The following BEAN1 variants were observed in gnomAD, a reference collection of about 807,000 sequenced individuals.
The protein encoded by BEAN1 is brain expressed associated with NEDD4 1.
BEAN1 carries 17 observed loss-of-function variants against 17.7 expected under a neutral mutation model. The ratio of observed to expected loss-of-function variants is 0.96; its 90% CI spans 0.66 to 1.44. The LOEUF (loss-of-function observed/expected upper bound fraction) is 1.44. BEAN1 is among the 40% of genes most tolerant of loss of function. The probability of loss-of-function intolerance (pLI) is 0.00; values close to 1 mark genes in which losing one functional copy is unlikely to be tolerated. For missense variants in BEAN1, 359 were observed against 374.1 expected, an observed-to-expected ratio of 0.96 and a Z score of 0.33; for synonymous variants, 142 against 151.8, an observed-to-expected ratio of 0.94 and a Z score of 0.47.
In BEAN1 at chr16:66,437,824, A is replaced by G. The variant is rs1203649556; in HGVS notation, c.25+123A>G. 9 of 1,271,426 alleles carry G rather than the reference A, an allele frequency of 7.1e-6. No homozygotes were observed. In the South Asian group the frequency reaches 1.1e-4, roughly 16 times the overall value. The allele number at this position is 1,271,426 out of a possible 1,614,324, so 78.8% of individuals were successfully genotyped here. On this transcript the variant is annotated intron_variant, in intron 2 of 4. Transcript: ENST00000536005. Reference sequence around the variant, plus strand: ...AACTGCAGGGGTCCAACCAGAGGCTAATGTGGCATGCTGGGTGGGGAGAGG... The same window carrying G: ...AACTGCAGGGGTCCAACCAGAGGCTGATGTGGCATGCTGGGTGGGGAGAGG...
chr16:66,469,470 A>T, intron 2 of BEAN1, 132 bp from the exon 3 acceptor site: 1 of 1,124,214 alleles, frequency 8.9e-7, no homozygotes, highest in East Asian at 2.6e-5. Flanking sequence ...GCCAGGATAG[A>T]GTCCGTGGGC....
chr16:66,454,188 C>T (rs1025036533), intron 2 of BEAN1, among the ~76,000 whole-genome samples: 1 of 152,174 alleles, frequency 6.6e-6, no homozygotes, highest in Admixed American at 6.5e-5. Context: ...TGGAGAATGT[C>T]TCATGTGCAC....
chr16:66,455,556 G>C (rs1451138115), intron 2 of BEAN1, among the ~76,000 whole-genome samples: 8 of 152,184 alleles, frequency 5.3e-5, no homozygotes, highest in Admixed American at 5.2e-4. Flanking sequence ...TGAGGAGAAA[G>C]TAGCTCTTTT....
chr16:66,444,297 A>C (rs1035790804), intron 2 of BEAN1, among the ~76,000 whole-genome samples: 1 of 152,134 alleles, frequency 6.6e-6, no homozygotes, highest in African/African-American at 2.4e-5. Flanking sequence ...TTCCTCATAG[A>C]GAGGTCTCAA....
intron 2 of BEAN1, among the ~76,000 whole-genome samples, chr16:66,457,250 T>C (rs193116372): frequency 3.8e-4 from 58 of 152,264 alleles, no homozygotes; most frequent in Admixed American, 5.9e-4. Context: ...GATTAATGGA[T>C]GGATGGATAA....
At chr16:66,461,207 G>A (rs187924213) in intron 2 of BEAN1, among the ~76,000 whole-genome samples, 70 of 151,216 alleles carry the variant, frequency 4.6e-4, no homozygotes, top group African/African-American at 1.6e-3. Flanking sequence ...TGGGAAGGGG[G>A]ATTGTCATCA....
chr16:66,492,442 G>A (rs552113280), intron 4 of BEAN1, among the ~76,000 whole-genome samples: 12 of 151,452 alleles, frequency 7.9e-5, no homozygotes, highest in Admixed American at 1.3e-4. Context: ...CTCTTTTTGC[G>A]TTTTTTTGTT....
At chr16:66,494,182 C>T (rs141850709), downstream of BEAN1, among the ~76,000 whole-genome samples, 2 of 152,336 alleles carry the variant, frequency 1.3e-5, no homozygotes, top group East Asian at 3.9e-4. Flanking sequence ...CAGGAGGTGA[C>T]TGCTGGGAGA....
At chr16:66,492,070 C>T (rs1282609611) in intron 4 of BEAN1, among the ~76,000 whole-genome samples, 1 of 152,118 alleles carries the variant, frequency 6.6e-6, no homozygotes, top group Non-Finnish European at 1.5e-5. Flanking sequence ...GAGACAGAGT[C>T]TTGCTCTGTC....
chr16:66,468,042 G>A (rs1963320977), intron 2 of BEAN1, among the ~76,000 whole-genome samples: 1 of 152,206 alleles, frequency 6.6e-6, no homozygotes, highest in Non-Finnish European at 1.5e-5. Context: ...CCTCTGATTG[G>A]TAGATGGCCA....
intron 2 of BEAN1, among the ~76,000 whole-genome samples, chr16:66,448,848 AG>A (rs1247598087): frequency 1.2e-4 from 19 of 152,130 alleles, no homozygotes; most frequent in Admixed American, 5.9e-4. Context: ...AAGAAAGAAA[AG>A]AAACACATCC....
chr16:66,472,694 ACT>A (rs1019991838), intron 3 of BEAN1, among the ~76,000 whole-genome samples: 6 of 150,546 alleles, frequency 4.0e-5, no homozygotes, highest in South Asian at 2.1e-4. Flanking sequence ...GCAGAACGAG[ACT>A]CTGTCTCAAA....
At chr16:66,484,801 T>G (rs1964063824), downstream of BEAN1, 1 of 453,972 alleles carries the variant, frequency 2.2e-6, no homozygotes, top group Admixed American at 2.3e-5. This position sits in a 1 kb window ranked among gnomAD's most constrained non-coding sequence, Gnocchi z 4.2. Flanking sequence ...CACCTCAAAG[T>G]GACGCCCGCC....
At chr16:66,442,790 T>C (rs1962307261) in intron 2 of BEAN1, among the ~76,000 whole-genome samples, 1 of 152,208 alleles carries the variant, frequency 6.6e-6, no homozygotes, top group Admixed American at 6.5e-5. Flanking sequence ...ACTGAGAAGA[T>C]GCTCAAGAAA....
intron 2 of BEAN1, among the ~76,000 whole-genome samples, chr16:66,463,734 G>A (rs1406389971): frequency 1.3e-5 from 2 of 152,112 alleles, no homozygotes; most frequent in Non-Finnish European, 2.9e-5. Flanking sequence ...TTACCCCTAT[G>A]TTTTTATCTA....
At chr16:66,438,591 T>C (rs527424088) in intron 2 of BEAN1, among the ~76,000 whole-genome samples, 1 of 152,270 alleles carries the variant, frequency 6.6e-6, no homozygotes, top group East Asian at 1.9e-4. Flanking sequence ...AGCCTGTAGA[T>C]GATCTTGCCC....
rs528117308 is a variant in BEAN1 at position 66,437,909 on chromosome 16, T to C, written c.25+208T>C. ...TCCCTGAGAACTGAAAATCGCACTT[T>C]GGCCCATTCTTCTGTATCAGCCCTT... is the stretch of plus-strand genomic sequence containing the variant. On this transcript the variant is annotated intron_variant, in intron 2 of 4. Coordinates refer to ENST00000536005, the MANE Select transcript of BEAN1 (RefSeq NM_001178020.3). The C allele has an allele frequency of 7.6e-5, 52 of 683,852 alleles. 1 individual carries two copies. The highest frequency in any genetic ancestry group is 1.3e-4 in the Non-Finnish European group (51 of 386,234). 42.4% of individuals were successfully genotyped at this position (683,852 alleles called of 1,614,324 possible). A position where few individuals can be genotyped will look rare whatever the true frequency, so the allele number is the denominator to read the frequency against.
chr16:66,486,583 T>C (rs1964092599), downstream of BEAN1, among the ~76,000 whole-genome samples: 1 of 152,160 alleles, frequency 6.6e-6, no homozygotes, highest in Admixed American at 6.5e-5. Context: ...TGACTGAGCC[T>C]GGGTCATGCC....
In BEAN1 at chr16:66,434,836, T is replaced by C. The variant is rs1961953594; in HGVS notation, c.-82-2759T>C. 6.6e-6 allele frequency among the ~76,000 whole-genome samples: 1 copy of C among 152,166 alleles called. No individual in the cohort carries two copies. Among genetic ancestry groups the C allele is most frequent in the Non-Finnish European group, 1.5e-5 (1 of 68,034 alleles). Reference sequence around the variant, plus strand: ...TCGTGCGCTTGCATCAGGCTGAGGTTGGCTTGCTCTAGTGTTTCCATGCAC... The same window carrying C: ...TCGTGCGCTTGCATCAGGCTGAGGTCGGCTTGCTCTAGTGTTTCCATGCAC... On this transcript the variant is annotated intron_variant, in intron 1 of 4. Coordinates refer to ENST00000536005, the MANE Select transcript of BEAN1 (RefSeq NM_001178020.3). This position sits in a 1 kb window ranked among gnomAD's most constrained non-coding sequence, Gnocchi z 4.3.
Sources: allele counts gnomAD v4.1 joint callset (sites outside exome capture counted in the v4.1 genomes callset), GRCh38; gene constraint gnomAD v4.1.1; non-coding constraint Gnocchi (gnomAD v3.1); transcripts MANE v1.5; gene names NCBI Gene and HGNC (gene_info 2026-07-23, HGNC 2026-07-21).